CROT: variants seen among roughly 807,000 people sequenced by gnomAD.
The protein encoded by CROT is peroxisomal carnitine O-octanoyltransferase.
A neutral mutation model predicts 89.2 loss-of-function variants in CROT; 84 were observed. The ratio of observed to expected loss-of-function variants is 0.94; its 90% confidence interval spans 0.79 to 1.13. CROT has a LOEUF of 1.13. Among genes scored for constraint, CROT ranks in the 50% most tolerant of loss-of-function variants. The pLI is 0.00. For missense variants in CROT, 711 were observed against 727.8 expected, an observed-to-expected ratio of 0.98 and a Z score of 0.27; for synonymous variants, 212 against 239.5, an observed-to-expected ratio of 0.89 and a Z score of 1.06.
At chr7:87,394,939 G>A (rs74484237) in intron 17 of CROT, among the ~76,000 whole-genome samples, 1 of 151,890 alleles carries the variant, frequency 6.6e-6, no homozygotes, top group Non-Finnish European at 1.5e-5. Flanking sequence ...GAGGACAAAG[G>A]ATATCTGCCT....
chr7:87,353,048 C>T (rs889110932), intron 3 of CROT, among the ~76,000 whole-genome samples: 1 of 152,150 alleles, frequency 6.6e-6, no homozygotes, highest in African/African-American at 2.4e-5. Context: ...ACTCAGGAGT[C>T]AAAGCCCTGT....
chr7:87,351,939 C>T (rs1007560056), intron 3 of CROT, among the ~76,000 whole-genome samples: 4 of 152,176 alleles, frequency 2.6e-5, no homozygotes, highest in African/African-American at 9.7e-5. Context: ...GTTTACCCTG[C>T]AATAGAGACT....
intron 10 of CROT, among the ~76,000 whole-genome samples, chr7:87,380,928 T>C (rs1312487548): frequency 2.0e-5 from 3 of 152,232 alleles, no homozygotes; most frequent in African/African-American, 7.2e-5. Flanking sequence ...TGTGCTGTTG[T>C]TGGCAGATAA....
chr7:87,398,731 G>A lies in CROT; in HGVS notation c.*87G>A. The A allele has an allele frequency of 7.9e-7, 1 of 1,272,924 alleles. No homozygotes were observed. The highest frequency in any genetic ancestry group is 1.1e-6 in the Non-Finnish European group (1 of 915,882). 78.9% of individuals were successfully genotyped at this position (1,272,924 alleles called of 1,614,324 possible). On this transcript the variant is annotated 3_prime_UTR_variant, in exon 18 of 18. Coordinates refer to ENST00000331536, the MANE Select transcript of CROT (RefSeq NM_021151.4). The stretch of plus-strand genomic sequence containing the variant: ...TTGGTAATATGAGATGGGAAGGAAT[G>A]TTGACTTGCTAACATTCCTTTAACA...
At chr7:87,349,217 T>C in intron 3 of CROT, 34 bp downstream of exon 3, 1 of 1,044,564 alleles carries the variant, frequency 9.6e-7, no homozygotes, top group Non-Finnish European at 1.4e-6. Flanking sequence ...ATATTAATAT[T>C]ATTAGTAACT....
chr7:87,370,015 T>C (rs956853236), intron 7 of CROT, among the ~76,000 whole-genome samples: 3 of 152,038 alleles, frequency 2.0e-5, no homozygotes, highest in Admixed American at 6.6e-5. Flanking sequence ...TCATAGTCAA[T>C]GCTGTTTCAA....
intron 17 of CROT, among the ~76,000 whole-genome samples, chr7:87,398,153 A>C (rs1807606181): frequency 6.6e-6 from 1 of 151,792 alleles, no homozygotes; most frequent in Admixed American, 6.6e-5. Flanking sequence ...AACAGTTTAA[A>C]TTTCATTAAA....
chr7:87,391,557 T>C (rs1807357152), intron 13 of CROT, 32 bp from the exon 14 acceptor site: 6 of 1,575,390 alleles, frequency 3.8e-6, no homozygotes, highest in Non-Finnish European at 5.1e-6. Context: ...ATTTTCTTTC[T>C]TATGATACAC....
At chr7:87,380,569 T>A (rs866646793) in intron 10 of CROT, among the ~76,000 whole-genome samples, 1 of 152,196 alleles carries the variant, frequency 6.6e-6, no homozygotes, top group Non-Finnish European at 1.5e-5. Context: ...TTAAACACTA[T>A]GTAAATACAT....
chr7:87,372,654 T>C (rs1806681019), intron 7 of CROT, among the ~76,000 whole-genome samples: 1 of 152,208 alleles, frequency 6.6e-6, no homozygotes, highest in African/African-American at 2.4e-5. Context: ...TCTGCCTCTA[T>C]AAATGTGCCT....
chr7:87,380,034 C>G (rs939547022), intron 10 of CROT, among the ~76,000 whole-genome samples: 3 of 152,150 alleles, frequency 2.0e-5, no homozygotes, highest in Admixed American at 6.5e-5. Context: ...TCACTTGAGC[C>G]TAGGAGGTCC....
At chr7:87,377,205 T>G in intron 9 of CROT, 144 bp from the exon 10 acceptor site, 1 of 519,308 alleles carries the variant, frequency 1.9e-6, no homozygotes, top group Non-Finnish European at 3.4e-6. Flanking sequence ...CACATATCAG[T>G]GTTGCTGATC....
chr7:87,349,998 G>A (rs1481031674), intron 3 of CROT, among the ~76,000 whole-genome samples: 1 of 152,104 alleles, frequency 6.6e-6, no homozygotes, highest in African/African-American at 2.4e-5. Context: ...TACTAGGTTA[G>A]TAAATAGAAA....
chr7:87,361,363 T>TA (rs771346008), intron 4 of CROT, 27 bp from the exon 5 acceptor site: 2 of 1,596,998 alleles, frequency 1.3e-6, no homozygotes, highest in African/African-American at 2.7e-5. Flanking sequence ...TGAAGAACAT[T>TA]AAGCTGATGT....
intron 7 of CROT, chr7:87,375,260 T>G (rs545844298): frequency 5.4e-6 from 1 of 185,514 alleles, no homozygotes; most frequent in African/African-American, 2.4e-5. Context: ...AGATGTACAT[T>G]ATATTTGTGA....
At chr7:87,355,101 G>A (rs1325339474) in intron 3 of CROT, among the ~76,000 whole-genome samples, 4 of 96,568 alleles carry the variant, frequency 4.1e-5, no homozygotes, top group East Asian at 3.0e-4. Context: ...CCAAAAATAT[G>A]TATTTTTTTT....
At chr7:87,366,331 G>T (rs73394155) in intron 6 of CROT, among the ~76,000 whole-genome samples, 9,064 of 150,096 alleles carry the variant, frequency 0.06, 942 homozygotes, top group African/African-American at 0.21. Flanking sequence ...TTTTCCCTTC[G>T]TCCTTAACAA....
At chr7:87,364,016 G>T (rs1562930577) in intron 6 of CROT, among the ~76,000 whole-genome samples, 1 of 152,312 alleles carries the variant, frequency 6.6e-6, no homozygotes, top group East Asian at 1.9e-4. Context: ...TACGTAGGTA[G>T]ATTCATGAGG....
intron 7 of CROT, among the ~76,000 whole-genome samples, chr7:87,374,043 C>T (rs1806728099): frequency 6.6e-6 from 1 of 151,776 alleles, no homozygotes; most frequent in South Asian, 2.1e-4. Flanking sequence ...AAATCGAGGA[C>T]AGTAAATTAA....
Sources: gnomAD v4.1 joint callset for allele counts (sites outside exome capture counted in the v4.1 genomes callset) on GRCh38, gnomAD v4.1.1 for gene constraint, MANE v1.5 for transcripts, NCBI Gene and HGNC (gene_info 2026-07-23, HGNC 2026-07-21) for gene names.